The following ATP13A5 variants were observed in gnomAD, a reference collection of about 807,000 sequenced individuals.
ATP13A5 encodes ATPase 13A5.
ATP13A5 carries 149 observed loss-of-function variants against 150.2 expected under a neutral mutation model. That is an observed-to-expected ratio of 0.99 (90% confidence interval 0.87 to 1.14). ATP13A5 has a LOEUF of 1.14. Ranked by LOEUF, ATP13A5 falls within the 50% of genes most tolerant of loss-of-function variation. The pLI, the probability that ATP13A5 is intolerant of heterozygous loss-of-function variation, is 0.00. For synonymous variants in ATP13A5, 497 were observed against 522.2 expected (o/e 0.95, Z 0.66); for missense variants, 1,383 against 1,449.3 (o/e 0.95, Z 0.74).
In ATP13A5 at chr3:193,275,158, C is replaced by T. The variant is rs1488669160; in HGVS notation, c.3541G>A (p.Asp1181Asn). 5.0e-6 allele frequency: 8 copies of T among 1,614,170 alleles called. No individual in the cohort carries two copies. Among genetic ancestry groups the T allele is most frequent in the Non-Finnish European group, 6.8e-6 (8 of 1,180,020 alleles). Residue 1181 changes from aspartate to asparagine, a missense_variant, in exon 30 of 30, where the codon GAT (aspartate) becomes AAT (asparagine). By Grantham distance (23) the Asp-to-Asn change is conservative (BLOSUM62 1). This residue lies in a region of ATP13A5 where 568 missense variants were observed against 621.5 expected (regional missense o/e 0.91). Transcript: ENST00000342358. ...TTGATGTAGAATCCATTTTTGCCAT[C>T]ACCTGAATAATCTGTCCTGTTTATG... ...PPINRTDYSG[D>N]GKNGFYINGG...
At chr3:193,353,864 CCCA>C (rs1245931448) in intron 6 of ATP13A5, among the ~76,000 whole-genome samples, 1 of 151,012 alleles carries the variant, frequency 6.6e-6, no homozygotes, top group Non-Finnish European at 1.5e-5. Context: ...GACTAACCAC[CCCA>C]CCACCACCAC....
chr3:193,332,714 A>G (rs1410552405), intron 11 of ATP13A5, among the ~76,000 whole-genome samples: 1 of 152,146 alleles, frequency 6.6e-6, no homozygotes, highest in East Asian at 1.9e-4. Flanking sequence ...AGCCTTGTCT[A>G]GCGCTGAACC....
At chr3:193,329,465 C>T (rs1711547427) in intron 12 of ATP13A5, among the ~76,000 whole-genome samples, 5 of 40,604 alleles carry the variant, frequency 1.2e-4, no homozygotes, top group South Asian at 9.4e-4. Context: ...TGAACAGCCT[C>T]GGGAAAATTA....
chr3:193,315,110 A>T lies in ATP13A5; in HGVS notation c.2034-14T>A. 6.2e-7 allele frequency: 1 copy of T among 1,612,106 alleles called. No homozygotes were observed. Among genetic ancestry groups the T allele is most frequent in the South Asian group, 1.1e-5 (1 of 90,970 alleles). On this transcript the variant is annotated splice_polypyrimidine_tract_variant and intron_variant, in intron 17 of 29. Coordinates refer to ENST00000342358, the MANE Select transcript of ATP13A5 (RefSeq NM_198505.4). ...TCCACTTTTTCTCTTTGTATTCAGG[A>T]GAAAATCAATATTAAAGTATATCTA...
intron 1 of ATP13A5, among the ~76,000 whole-genome samples, chr3:193,365,204 A>G (rs1017771051): frequency 2.6e-5 from 4 of 152,128 alleles, no homozygotes; most frequent in Non-Finnish European, 4.4e-5. Context: ...CTGAACTCTG[A>G]ATTTTCAGGT....
intron 1 of ATP13A5, 118 bp downstream of exon 1, chr3:193,378,545 T>C (rs1713723311): frequency 1.1e-6 from 1 of 922,030 alleles, no homozygotes; most frequent in Non-Finnish European, 1.7e-6. Flanking sequence ...GACTGAAACC[T>C]TTCAAGGTCC....
chr3:193,360,891 G>T (rs946052498), intron 5 of ATP13A5, among the ~76,000 whole-genome samples: 2 of 152,180 alleles, frequency 1.3e-5, no homozygotes, highest in African/African-American at 4.8e-5. Flanking sequence ...TGGCCAGGCT[G>T]GTCTTGAACT....
intron 23 of ATP13A5, among the ~76,000 whole-genome samples, chr3:193,302,317 G>A (rs1354259971): frequency 6.6e-6 from 1 of 152,206 alleles, no homozygotes; most frequent in African/African-American, 2.4e-5. Flanking sequence ...TTTCTACCAA[G>A]CTGTGAGGTG....
intron 1 of ATP13A5, among the ~76,000 whole-genome samples, chr3:193,371,519 A>G (rs1713440535): frequency 6.6e-6 from 1 of 152,216 alleles, no homozygotes; most frequent in Non-Finnish European, 1.5e-5. Flanking sequence ...TCAAGGCGTC[A>G]CCTGAGCTGT....
intron 1 of ATP13A5, among the ~76,000 whole-genome samples, chr3:193,377,574 C>T (rs2108589064): frequency 6.6e-6 from 1 of 152,246 alleles, no homozygotes; most frequent in East Asian, 1.9e-4. Flanking sequence ...TACACGTGGC[C>T]CATGGCTGCC....
At chr3:193,310,790 A>G (rs1718814875) in intron 20 of ATP13A5, 73 bp from the exon 21 acceptor site, 3 of 1,132,876 alleles carry the variant, frequency 2.6e-6, no homozygotes, top group African/African-American at 3.1e-5. Flanking sequence ...AACAGCCCTG[A>G]AAAATCACTC....
At chr3:193,284,109 C>T (rs1717619092) in intron 27 of ATP13A5, among the ~76,000 whole-genome samples, 1 of 151,616 alleles carries the variant, frequency 6.6e-6, no homozygotes, top group African/African-American at 2.4e-5. Context: ...CAGCCTCGAC[C>T]TCCCAGGCTC....
At chr3:193,355,001 C>T (rs10937583) in intron 5 of ATP13A5, among the ~76,000 whole-genome samples, 59,614 of 145,834 alleles carry the variant, frequency 0.41, 12,371 homozygotes, top group East Asian at 0.58. Flanking sequence ...GGCACGATCT[C>T]GGTTCACCGC....
rs186654624 is a variant in ATP13A5, at chr3:193,361,324, C to G, written c.536+1057G>C. Among the ~76,000 whole-genome samples, 59 of 152,220 alleles carry G rather than the reference C, an allele frequency of 3.9e-4. 1 individual carries two copies. Among genetic ancestry groups the G allele is most frequent in the Admixed American group, 3.1e-3 (47 of 15,278 alleles). ...ATGTCTGGTTCATTTTTCACAGTGT[C>G]TGATAGAGGAAAAACTTATAAACAA... On this transcript the variant is annotated intron_variant, in intron 5 of 29. Transcript: ENST00000342358.
chr3:193,289,923 C>T lies in ATP13A5; in HGVS notation c.2985G>A (p.Val995=). 1 of 1,611,318 alleles carries T rather than the reference C, an allele frequency of 6.2e-7. No individual in the cohort carries two copies. Residue 995 remains valine (V), a synonymous_variant, in exon 26 of 30, where the codon GTG becomes GTA. Coordinates refer to ENST00000342358, the MANE Select transcript of ATP13A5 (RefSeq NM_198505.4). The part of the protein sequence containing the change: ...CIVQISAFLY[V]KQQPWYCEVY... ...CCTCACAATACCAAGGCTGCTGCTT[C>T]ACATAGAGAAATGCACTGATCTGCA...
At position 193,321,680 on chromosome 3, in the gene ATP13A5, C is replaced by A. The variant is rs1348395382; in HGVS notation, c.1915+1G>T. The A allele has an allele frequency of 2.5e-6, 4 of 1,613,762 alleles. No individual in the cohort carries two copies. Among genetic ancestry groups the A allele is most frequent in the African/African-American group, 2.7e-5 (2 of 74,898 alleles). Reference sequence around the variant, plus strand: ...TTCTTGAAAGAGAAAAGTGTTAGTACCTGTTTCAGATCTGCAGAACCTGGC... The same window carrying A: ...TTCTTGAAAGAGAAAAGTGTTAGTAACTGTTTCAGATCTGCAGAACCTGGC... On this transcript the variant is annotated splice_donor_variant, in intron 16 of 29. Transcript: ENST00000342358. LOFTEE classifies it high-confidence loss of function.
At chr3:193,334,464 A>G (rs1170078605) in intron 10 of ATP13A5, among the ~76,000 whole-genome samples, 1 of 152,208 alleles carries the variant, frequency 6.6e-6, no homozygotes, top group Non-Finnish European at 1.5e-5. Context: ...GAGAAAGTCA[A>G]TACAGGAGGA....
At chr3:193,370,739 T>C (rs142243118) in intron 1 of ATP13A5, among the ~76,000 whole-genome samples, 31 of 152,320 alleles carry the variant, frequency 2.0e-4, no homozygotes, top group Middle Eastern at 3.4e-3. Flanking sequence ...GAGTACTTAT[T>C]AGGTGTTATT....
intron 5 of ATP13A5, among the ~76,000 whole-genome samples, chr3:193,356,903 C>T (rs1280701187): frequency 6.6e-6 from 1 of 152,056 alleles, no homozygotes; most frequent in Non-Finnish European, 1.5e-5. Flanking sequence ...TCAACTTCCG[C>T]CTCCCAGTTT....
Sources: allele counts gnomAD v4.1 joint callset (sites outside exome capture counted in the v4.1 genomes callset), GRCh38; gene constraint gnomAD v4.1.1; regional missense constraint gnomAD v4.1.1; transcripts MANE v1.5; gene names NCBI Gene and HGNC (gene_info 2026-07-23, HGNC 2026-07-21).